The following KITLG variants were observed in gnomAD, a reference collection of about 807,000 sequenced individuals.
KITLG encodes the protein c-Kit ligand.
KITLG carries 13 observed loss-of-function variants against 34.1 expected under a neutral mutation model. The ratio of observed to expected loss-of-function variants is 0.38; its 90% CI spans 0.25 to 0.61. The LOEUF (loss-of-function observed/expected upper bound fraction) is 0.61, where lower values mean the gene tolerates loss of function less well. Among genes scored for constraint, KITLG ranks in the 20% least tolerant of loss-of-function variants. The pLI is 0.60. For synonymous variants in KITLG, 110 were observed against 104.0 expected, an observed-to-expected ratio of 1.06 and a Z score of -0.35; for missense variants, 292 against 318.9, an observed-to-expected ratio of 0.92 and a Z score of 0.64.
At chr12:88,546,865 G>A (rs974806119) in intron 1 of KITLG, among the ~76,000 whole-genome samples, 5 of 152,164 alleles carry the variant, frequency 3.3e-5, no homozygotes, top group African/African-American at 9.7e-5. Context: ...CTCACATCTT[G>A]TGATAAACAC....
At chr12:88,573,496 G>A (rs1592590848) in intron 1 of KITLG, among the ~76,000 whole-genome samples, 3 of 152,176 alleles carry the variant, frequency 2.0e-5, no homozygotes, top group South Asian at 4.1e-4. Flanking sequence ...ACATTTAGGT[G>A]AAACAAGCCA....
intron 6 of KITLG, among the ~76,000 whole-genome samples, chr12:88,512,098 A>C (rs1408408441): frequency 1.3e-5 from 2 of 152,176 alleles, no homozygotes; most frequent in African/African-American, 4.8e-5. Context: ...TATGTGTTGA[A>C]ATTTGGAGAC....
intron 2 of KITLG, among the ~76,000 whole-genome samples, chr12:88,533,424 A>C (rs998906487): frequency 1.1e-4 from 17 of 152,172 alleles, no homozygotes; most frequent in Admixed American, 1.0e-3. Flanking sequence ...TTCTTTACTG[A>C]GAGCTATACC....
chr12:88,520,700 T>C (rs1249768108), intron 3 of KITLG, among the ~76,000 whole-genome samples: 1 of 152,176 alleles, frequency 6.6e-6, no homozygotes, highest in East Asian at 1.9e-4. Context: ...GTGGTTAAAG[T>C]AGAAAATGTT....
At chr12:88,507,175 C>A (rs778544345) in intron 6 of KITLG, 38 bp from the exon 7 acceptor site, 6 of 1,267,364 alleles carry the variant, frequency 4.7e-6, no homozygotes, top group South Asian at 3.6e-5. Context: ...TACAGCATAT[C>A]CATTCTAGAA....
At chr12:88,543,562 G>T (rs1870597911) in intron 2 of KITLG, among the ~76,000 whole-genome samples, 1 of 151,910 alleles carries the variant, frequency 6.6e-6, no homozygotes, top group Admixed American at 6.6e-5. Context: ...GTGAATAGAG[G>T]TACCCATAAT....
chr12:88,507,088 C>T lies in KITLG; in HGVS notation c.654G>A (p.Met218Ile), dbSNP rs377074195. 5 of 1,613,748 alleles carry T rather than the reference C, an allele frequency of 3.1e-6. No homozygotes were observed. The highest frequency in any genetic ancestry group is 1.7e-5 in the Admixed American group (1 of 59,994). ...PGDSSLHWAA[M>I]ALPALFSLII... is the part of the protein sequence containing the mutation. ...TAAGAGAAAACAATGCTGGCAATGC[C>T]ATGGCTGCCCAGTGTAGGCTGGAGT... The change falls in exon 7 of 10, where the codon ATG becomes ATA. Residue 218 changes from methionine (M) to isoleucine (I), a missense_variant. By Grantham distance (10) the Met-to-Ile change is conservative (BLOSUM62 1). Transcript: ENST00000644744.
At chr12:88,542,084 C>T (rs1566028491) in intron 2 of KITLG, among the ~76,000 whole-genome samples, 2 of 152,128 alleles carry the variant, frequency 1.3e-5, no homozygotes, top group South Asian at 4.1e-4. Flanking sequence ...CCTATATAAC[C>T]TCCTTCAGTC....
rs1034393280 is a variant in KITLG at position 88,516,399 on chromosome 12, T to A, written c.455A>T (p.Lys152Met). ...RIFNRSIDAF[K>M]DFVVASETSD... is the part of the protein sequence containing the mutation. Reference sequence around the variant, plus strand: ...AGTTTCAGATGCCACTACAAAGTCCTTGAAGGCATCAATGGATCTATTAAA... The same window carrying A: ...AGTTTCAGATGCCACTACAAAGTCCATGAAGGCATCAATGGATCTATTAAA... The change falls in exon 5 of 10, where the codon AAG (lysine) becomes ATG (methionine). Residue 152 changes from lysine (K) to methionine (M), a missense_variant. Physicochemically the swap from Lys to Met is moderately conservative, Grantham distance 95 (BLOSUM62 -1). Transcript: ENST00000644744. The A allele has an allele frequency of 1.2e-6, 2 of 1,610,748 alleles. No individual in the cohort carries two copies. Among genetic ancestry groups the A allele is most frequent in the African/African-American group, 2.7e-5 (2 of 74,784 alleles).
intron 1 of KITLG, among the ~76,000 whole-genome samples, chr12:88,556,741 C>T (rs1429979565): frequency 6.6e-6 from 1 of 152,046 alleles, no homozygotes; most frequent in East Asian, 1.9e-4. Flanking sequence ...TAGATAGATA[C>T]CATTCTATCA....
At chr12:88,533,512 A>G (rs747380651) in intron 2 of KITLG, among the ~76,000 whole-genome samples, 7 of 152,150 alleles carry the variant, frequency 4.6e-5, no homozygotes, top group African/African-American at 7.2e-5. Flanking sequence ...CACTGTACCA[A>G]CTTTGCTGTC....
intron 3 of KITLG, among the ~76,000 whole-genome samples, chr12:88,522,913 CG>C (rs951990087): frequency 6.6e-6 from 1 of 152,090 alleles, no homozygotes; most frequent in African/African-American, 2.4e-5. Context: ...CCAGTGAGAA[CG>C]TTCTTTTCAC....
chr12:88,565,873 A>G (rs1236024397), intron 1 of KITLG, among the ~76,000 whole-genome samples: 1 of 152,196 alleles, frequency 6.6e-6, no homozygotes, highest in Non-Finnish European at 1.5e-5. Flanking sequence ...CATTTAGCTC[A>G]GGACCTGGCA....
chr12:88,518,857 C>T lies in KITLG; in HGVS notation c.203G>A (p.Cys68Tyr). 2 of 1,613,400 alleles carry T rather than the reference C, an allele frequency of 1.2e-6. No homozygotes were observed. Among genetic ancestry groups the T allele is most frequent in the Non-Finnish European group, 1.7e-6 (2 of 1,179,672 alleles). Residue 68 changes from cysteine to tyrosine, a missense_variant, in exon 4 of 10, where the codon TGT becomes TAT. By Grantham distance (194) the Cys-to-Tyr change is radical. Around this residue, in one of 2 missense-constraint regions of KITLG, gnomAD observed 152 missense variants for 207.9 expected, o/e 0.73. Coordinates refer to ENST00000644744, the MANE Select transcript of KITLG (RefSeq NM_000899.5). ...TTGTACTACCATCTCGCTTATCCAA[C>T]AATGACTTGGCTGCAAGATATGAAA... is the stretch of plus-strand genomic sequence containing the variant. ...VPGMDVLPSH[C>Y]WISEMVVQLS...
intron 9 of KITLG, among the ~76,000 whole-genome samples, chr12:88,497,932 G>A (rs531194146): frequency 7.2e-5 from 11 of 152,280 alleles, no homozygotes; most frequent in South Asian, 4.1e-4. Flanking sequence ...TCTTGGCACC[G>A]CATCCCAACA....
At chr12:88,542,391 T>C (rs1486368170) in intron 2 of KITLG, among the ~76,000 whole-genome samples, 2 of 152,096 alleles carry the variant, frequency 1.3e-5, no homozygotes, top group African/African-American at 4.8e-5. Context: ...AATTAGGAAA[T>C]TGAATGCCAG....
At chr12:88,579,575 C>A (rs377354250) in intron 1 of KITLG, among the ~76,000 whole-genome samples, 2 of 152,152 alleles carry the variant, frequency 1.3e-5, no homozygotes, top group African/African-American at 4.8e-5. Flanking sequence ...TTCAGAGGTG[C>A]CTATTTTATA....
chr12:88,562,635 T>C (rs1372076615), intron 1 of KITLG, among the ~76,000 whole-genome samples: 1 of 152,208 alleles, frequency 6.6e-6, no homozygotes, highest in African/African-American at 2.4e-5. Flanking sequence ...TAAATTCAAA[T>C]AGTGACGATT....
intron 2 of KITLG, among the ~76,000 whole-genome samples, chr12:88,539,372 T>A (rs962268800): frequency 6.6e-6 from 1 of 152,074 alleles, no homozygotes; most frequent in Admixed American, 6.6e-5. Context: ...TTTTCAGACC[T>A]AGCAAAGTTT....
Sources: allele counts gnomAD v4.1 joint callset (sites outside exome capture counted in the v4.1 genomes callset), GRCh38; gene constraint gnomAD v4.1.1; regional missense constraint gnomAD v4.1.1; transcripts MANE v1.5; gene names NCBI Gene and HGNC (gene_info 2026-07-23, HGNC 2026-07-21).